ERCC6L2: variants seen among roughly 807,000 people sequenced by gnomAD.
The protein encoded by ERCC6L2 is DNA excision repair protein ERCC-6-like 2.
Under a neutral mutation model 132.0 loss-of-function variants are expected in ERCC6L2, and 77 were observed. The ratio of observed to expected loss-of-function variants is 0.58; its 90% CI spans 0.49 to 0.71. ERCC6L2 has a LOEUF of 0.71. ERCC6L2 is among the 30% of genes least tolerant of loss of function. The probability of loss-of-function intolerance (pLI) is 0.00; values close to 1 mark genes in which losing one functional copy is unlikely to be tolerated. For missense variants in ERCC6L2, 1,542 were observed against 1,837.6 expected, an observed-to-expected ratio of 0.84 and a Z score of 2.94; for synonymous variants, 583 against 632.4, an observed-to-expected ratio of 0.92 and a Z score of 1.17.
At chr9:95,916,684 CTTT>C (rs1360979308) in intron 6 of ERCC6L2, among the ~76,000 whole-genome samples, 6 of 137,312 alleles carry the variant, frequency 4.4e-5, no homozygotes, top group Admixed American at 7.3e-5. Flanking sequence ...TCATCAAAAC[CTTT>C]TTTTTTTTTT....
intron 18 of ERCC6L2, among the ~76,000 whole-genome samples, chr9:96,007,961 G>A (rs749203333): frequency 4.6e-5 from 7 of 152,226 alleles, no homozygotes; most frequent in Non-Finnish European, 8.8e-5. Flanking sequence ...TGGCCCCGCA[G>A]CTCTTTGGAG....
chr9:95,998,294 G>A (rs888150058), intron 17 of ERCC6L2, among the ~76,000 whole-genome samples: 5 of 152,158 alleles, frequency 3.3e-5, no homozygotes, highest in Admixed American at 3.3e-4. Flanking sequence ...CTCCCTGCCA[G>A]TGGAAAACAA....
chr9:95,956,545 A>C (rs1480262119), intron 13 of ERCC6L2, among the ~76,000 whole-genome samples: 2 of 152,180 alleles, frequency 1.3e-5, no homozygotes, highest in African/African-American at 4.8e-5. Context: ...GTAATTTATA[A>C]AGGAAAGAGG....
chr9:96,037,314 A>G (rs4743479), intron 19 of ERCC6L2, among the ~76,000 whole-genome samples: 25,277 of 152,184 alleles, frequency 0.17, 2,191 homozygotes, highest in Middle Eastern at 0.27. Flanking sequence ...CAGCAGCCCC[A>G]GGAGGTAGCT....
intron 6 of ERCC6L2, 46 bp from the exon 7 acceptor site, chr9:95,921,126 ATTG>A: frequency 1.3e-6 from 2 of 1,499,790 alleles, no homozygotes; most frequent in South Asian, 1.2e-5. Flanking sequence ...GATTTTTATT[ATTG>A]TTATAAACAA....
At chr9:95,898,651 T>C (rs1003077641) in intron 3 of ERCC6L2, among the ~76,000 whole-genome samples, 1 of 152,114 alleles carries the variant, frequency 6.6e-6, no homozygotes, top group Admixed American at 6.6e-5. Flanking sequence ...TTAAAAAATA[T>C]TATCCTCAGC....
chr9:95,913,480 T>C (rs895978905), intron 4 of ERCC6L2, among the ~76,000 whole-genome samples: 9 of 152,156 alleles, frequency 5.9e-5, no homozygotes, highest in Non-Finnish European at 1.3e-4. Context: ...CTTTCTCTCT[T>C]TCTCTCTTTC....
chr9:95,893,208 G>A (rs988050409), intron 2 of ERCC6L2, among the ~76,000 whole-genome samples: 3 of 152,162 alleles, frequency 2.0e-5, no homozygotes, highest in Non-Finnish European at 4.4e-5. Flanking sequence ...AGTTAGGAAT[G>A]CTAAGTGTAA....
intron 12 of ERCC6L2, among the ~76,000 whole-genome samples, chr9:95,943,101 C>A (rs1318834127): frequency 2.0e-5 from 3 of 152,148 alleles, no homozygotes; most frequent in Non-Finnish European, 2.9e-5. Context: ...GTTGTATTTA[C>A]AATTTGTGGC....
At chr9:95,984,307 T>A (rs950906863) in intron 17 of ERCC6L2, among the ~76,000 whole-genome samples, 3 of 149,608 alleles carry the variant, frequency 2.0e-5, no homozygotes, top group African/African-American at 7.3e-5. Context: ...TATATATGTA[T>A]AAATATATAT....
intron 11 of ERCC6L2, 102 bp from the exon 12 acceptor site, chr9:95,941,352 T>C (rs1248704934): frequency 1.4e-6 from 1 of 713,514 alleles, no homozygotes; most frequent in African/African-American, 1.8e-5. Flanking sequence ...ATTAATGCAA[T>C]ATCGTACTGT....
intron 6 of ERCC6L2, chr9:95,918,523 AAG>A: frequency 6.1e-6 from 3 of 489,136 alleles, no homozygotes; most frequent in Non-Finnish European, 8.2e-6. Flanking sequence ...CTACTTGCTA[AAG>A]ACAAAATGAT....
At chr9:95,989,104 A>G (rs1833201065) in intron 17 of ERCC6L2, among the ~76,000 whole-genome samples, 1 of 152,138 alleles carries the variant, frequency 6.6e-6, no homozygotes, top group Admixed American at 6.5e-5. Flanking sequence ...CCCTCTGGGA[A>G]TGTCCACCTT....
chr9:96,027,440 C>T (rs2062350052), intron 19 of ERCC6L2, among the ~76,000 whole-genome samples: 1 of 152,190 alleles, frequency 6.6e-6, no homozygotes, highest in South Asian at 2.1e-4. Context: ...AAGACCCTGG[C>T]CGGGGCAGCC....
Position 96,012,404 on chromosome 9 carries a change from C to A in ERCC6L2, c.3854C>A (p.Ser1285Tyr). The A allele has an allele frequency of 7.3e-7, 1 of 1,361,096 alleles. No individual in the cohort carries two copies. The highest frequency in any genetic ancestry group is 9.8e-7 in the Non-Finnish European group (1 of 1,016,786). 84.3% of individuals were successfully genotyped at this position (1,361,096 alleles called of 1,614,324 possible). A position where few individuals can be genotyped will look rare whatever the true frequency, so the allele number is the denominator to read the frequency against. ...TCTGTGTCACAATTCAACAATTCTT[C>A]CTTTGAGAAAGGAGAGCAGCGCACC... ...VDSVSQFNNSSFEKGEQRTRK... is the reference protein window; with the variant it reads ...VDSVSQFNNSYFEKGEQRTRK... Residue 1285 changes from serine (S) to tyrosine (Y), a missense_variant, in exon 19 of 19, where the codon TCC (serine) becomes TAC (tyrosine). By Grantham distance (144) the Ser-to-Tyr change is moderately radical. Coordinates refer to ENST00000653738, the MANE Select transcript of ERCC6L2 (RefSeq NM_020207.7).
rs767745101 is a variant in ERCC6L2 at position 96,015,015 on chromosome 9, GTTTTTTTTTTTT to G, written c.*1826_*1837del. On this transcript the variant is annotated 3_prime_UTR_variant, in exon 19 of 19. Coordinates refer to ENST00000653738, the MANE Select transcript of ERCC6L2 (RefSeq NM_020207.7). ...GCTCTATAGTCTTCATATATGTACA[GTTTTTTTTTTTT>G]TTTTTTTTTTTTTGAGATTGAGTCT... 4.6e-5 allele frequency among the ~76,000 whole-genome samples: 3 copies of G among 65,426 alleles called. No individual in the cohort carries two copies. The highest frequency in any genetic ancestry group is 5.3e-5 in the Non-Finnish European group (2 of 37,998). The allele number at this position is 65,426 out of a possible 152,430, so 42.9% of individuals were successfully genotyped here.
chr9:96,000,722 G>A (rs1390468779), intron 17 of ERCC6L2, among the ~76,000 whole-genome samples: 2 of 152,122 alleles, frequency 1.3e-5, no homozygotes. Context: ...TTGCTTTTGA[G>A]CCCAGGGTCT....
rs1588004304 is a variant in ERCC6L2, at chr9:95,972,976, G to A, written c.3225G>A (p.Leu1075=). Residue 1075 remains leucine, a synonymous_variant, in exon 16 of 19, where the codon TTG becomes TTA. Transcript: ENST00000653738. ...ACAGAACTAGTTTTTCTTCAAAATT[G>A]CCTAGCCATAATAAGAAAAATAGCA... ...IRDRTSFSSK[L]PSHNKKNSTF... The A allele has an allele frequency of 7.5e-7, 1 of 1,337,476 alleles. No individual in the cohort carries two copies. The highest frequency in any genetic ancestry group is 2.1e-5 in the Admixed American group (1 of 47,800). The allele number at this position is 1,337,476 out of a possible 1,614,324, so 82.9% of individuals were successfully genotyped here.
chr9:95,894,489 T>C (rs1239011435), intron 2 of ERCC6L2, among the ~76,000 whole-genome samples: 1 of 152,104 alleles, frequency 6.6e-6, no homozygotes, highest in Non-Finnish European at 1.5e-5. Context: ...ATTTTTGTTA[T>C]TTCTAGTTTC....
Sources: allele counts gnomAD v4.1 joint callset (sites outside exome capture counted in the v4.1 genomes callset), GRCh38; gene constraint gnomAD v4.1.1; transcripts MANE v1.5; gene names NCBI Gene and HGNC (gene_info 2026-07-23, HGNC 2026-07-21).